The following PROM1 variants were observed in gnomAD, a reference collection of about 807,000 sequenced individuals.
PROM1 encodes prominin 1, also known as prominin-1.
A neutral mutation model predicts 116.9 loss-of-function variants in PROM1; 105 were observed. That is an observed-to-expected ratio of 0.90 (90% CI 0.77 to 1.06). The LOEUF (loss-of-function observed/expected upper bound fraction) is 1.06. Ranked by LOEUF, PROM1 falls within the 50% of genes least tolerant of loss-of-function variation. PROM1 has a pLI of 0.00. For synonymous variants in PROM1, 393 were observed against 387.0 expected (o/e 1.02, Z -0.18); for missense variants, 1,122 against 1,045.2 (o/e 1.07, Z -1.01).
chr4:16,041,708 A>G (rs1735267167), intron 2 of PROM1, among the ~76,000 whole-genome samples: 2 of 151,596 alleles, frequency 1.3e-5, no homozygotes, highest in African/African-American at 4.8e-5. Flanking sequence ...CAGTTATGCC[A>G]CTGCACTCCA....
At chr4:16,010,561 T>C (rs929121156) in intron 11 of PROM1, among the ~76,000 whole-genome samples, 3 of 152,232 alleles carry the variant, frequency 2.0e-5, no homozygotes, top group Non-Finnish European at 2.9e-5. Context: ...TGGAGTGCAG[T>C]GGCACGATCA....
At chr4:16,002,225 G>T (rs766122599) in intron 13 of PROM1, among the ~76,000 whole-genome samples, 5 of 152,106 alleles carry the variant, frequency 3.3e-5, no homozygotes, top group Non-Finnish European at 5.9e-5. Flanking sequence ...AAAAAAAACA[G>T]AAAGAGAAGG....
rs1311725998 is a variant in PROM1, at chr4:16,006,624, T to C, written c.1368A>G (p.Leu456=). The change falls in exon 13 of 28, where the codon TTA becomes TTG. Residue 456 remains leucine, a synonymous_variant. Transcript: ENST00000447510. ...TLIVIFYYLG[L]LCGVCGYDRH... is the part of the protein sequence containing the mutation. ...TGTCATAGCCGCACACGCCACACAGTAAGCCCAGGTAGTAAAAAATCACGA... is the reference window on the plus strand; with the variant it reads ...TGTCATAGCCGCACACGCCACACAGCAAGCCCAGGTAGTAAAAAATCACGA... 2 of 1,612,152 alleles carry C rather than the reference T, an allele frequency of 1.2e-6. No homozygotes were observed. Among genetic ancestry groups the C allele is most frequent in the East Asian group, 4.5e-5 (2 of 44,804 alleles).
intron 13 of PROM1, among the ~76,000 whole-genome samples, chr4:16,004,832 T>TTCTTTTTCTTCCTTC (rs1203366908): frequency 1.6e-5 from 2 of 122,504 alleles, no homozygotes; most frequent in East Asian, 4.9e-4. Context: ...TCTTTCTTTT[T>TTCTTTTTCTTCCTTC]CTTCCTTCCT....
chr4:16,058,816 A>G (rs140912629), intron 2 of PROM1, among the ~76,000 whole-genome samples: 3 of 152,350 alleles, frequency 2.0e-5, no homozygotes, highest in East Asian at 3.9e-4. Context: ...GCTTCCAAAA[A>G]TAGAAGAATT....
In PROM1 at chr4:16,004,390, TTC is replaced by T. The variant is rs1264141509; in HGVS notation, c.1454+2146_1454+2147del. ...TAGCCTCCATCAATTTGTTGATGATTTCTCTGTTTTATTTTTTCTTTCTTTGA... is the reference window on the plus strand; with the variant it reads ...TAGCCTCCATCAATTTGTTGATGATTTCTGTTTTATTTTTTCTTTCTTTGA... On this transcript the variant is annotated intron_variant, in intron 13 of 27. Transcript: ENST00000447510. 5.3e-5 allele frequency among the ~76,000 whole-genome samples: 8 copies of T among 152,314 alleles called. No homozygotes were observed. The East Asian group carries it at 5.8e-4, about 11-fold the overall frequency.
At chr4:16,052,857 G>C (rs913506030) in intron 2 of PROM1, among the ~76,000 whole-genome samples, 6 of 152,216 alleles carry the variant, frequency 3.9e-5, no homozygotes, top group African/African-American at 1.4e-4. Context: ...GAACAGGATA[G>C]TATATGGAAA....
At chr4:15,970,458 C>A (rs1438873821) in intron 27 of PROM1, among the ~76,000 whole-genome samples, 1 of 151,784 alleles carries the variant, frequency 6.6e-6, no homozygotes, top group Non-Finnish European at 1.5e-5. Context: ...CAGGCGTGAG[C>A]CACCGCACCA....
chr4:15,980,303 TA>T (rs58036643), intron 24 of PROM1, 118 bp downstream of exon 24: 271,094 of 604,072 alleles, frequency 0.45, 23,324 homozygotes, highest in Admixed American at 0.49. Context: ...CAACTACTAC[TA>T]AAAAAAAAAA....
Position 16,021,858 on chromosome 4 carries a change from G to T in PROM1, c.784+1468C>A, listed in dbSNP as rs1729982231. Among the ~76,000 whole-genome samples the T allele has an allele frequency of 2.0e-5, 3 of 152,172 alleles. No individual in the cohort carries two copies. The South Asian group carries it at 6.2e-4, about 32-fold the overall frequency. Reference sequence around the variant, plus strand: ...CCCAGCTACCCAATTGCTATGGACTGAAGTATGTCTCCCCCAGATTCGTAT... The same window carrying T: ...CCCAGCTACCCAATTGCTATGGACTTAAGTATGTCTCCCCCAGATTCGTAT... On this transcript the variant is annotated intron_variant, in intron 8 of 27. Coordinates refer to ENST00000447510, the MANE Select transcript of PROM1 (RefSeq NM_006017.3).
Position 16,013,348 on chromosome 4 carries a change from A to G in PROM1, c.1078-10T>C, listed in dbSNP as rs763903858. 6.3e-7 allele frequency: 1 copy of G among 1,588,928 alleles called. No individual in the cohort carries two copies. The highest frequency in any genetic ancestry group is 8.6e-7 in the Non-Finnish European group (1 of 1,157,112). ...TAAGGGATTGATAGCCCTGAAAAAT[A>G]TTTCAAAATAAAAGGATGTACACAG... On this transcript the variant is annotated splice_polypyrimidine_tract_variant and intron_variant, in intron 10 of 27. Transcript: ENST00000447510.
intron 3 of PROM1, among the ~76,000 whole-genome samples, chr4:16,037,314 T>C (rs1307173472): frequency 6.6e-6 from 1 of 152,160 alleles, no homozygotes; most frequent in African/African-American, 2.4e-5. Flanking sequence ...AAATGAAGCC[T>C]GTGGCACTGA....
chr4:16,018,191 G>A (rs1466998867), intron 9 of PROM1, 132 bp downstream of exon 9: 2 of 776,350 alleles, frequency 2.6e-6, no homozygotes, highest in South Asian at 1.7e-5. Context: ...GACTCAAGAA[G>A]GCTGATAGAG....
chr4:16,072,765 A>G (rs1420283359), intron 2 of PROM1, among the ~76,000 whole-genome samples: 1 of 152,248 alleles, frequency 6.6e-6, no homozygotes, highest in Non-Finnish European at 1.5e-5. Flanking sequence ...TAGGGACAAC[A>G]TCACTGTTGT....
At chr4:15,995,428 G>A (rs1157044842) in intron 15 of PROM1, among the ~76,000 whole-genome samples, 1 of 151,722 alleles carries the variant, frequency 6.6e-6, no homozygotes, top group African/African-American at 2.4e-5. Context: ...GGAGGAAGAG[G>A]AAGAAGAAGA....
intron 23 of PROM1, among the ~76,000 whole-genome samples, chr4:15,982,564 T>C (rs1284850845): frequency 6.6e-6 from 1 of 152,184 alleles, no homozygotes; most frequent in Non-Finnish European, 1.5e-5. Context: ...ATGTAAACCC[T>C]CTGCTACACA....
rs571946216 is a variant in PROM1 at position 15,971,141 on chromosome 4, T to G, written c.2583-59A>C. Reference sequence around the variant, plus strand: ...CCCAACAAAGCTGTGGGTGGTTTCATCACCTCTGTGCTAAGAAGCAGGCAT... The same window carrying G: ...CCCAACAAAGCTGTGGGTGGTTTCAGCACCTCTGTGCTAAGAAGCAGGCAT... On this transcript the variant is annotated intron_variant, in intron 26 of 27. Transcript: ENST00000447510. The G allele has an allele frequency of 1.5e-4, 215 of 1,431,122 alleles. 2 individuals are homozygous for G. The South Asian group carries it at 2.5e-3, about 16-fold the overall frequency. 88.7% of individuals were successfully genotyped at this position (1,431,122 alleles called of 1,614,324 possible).
At chr4:16,006,359 C>T (rs1284246551) in intron 13 of PROM1, among the ~76,000 whole-genome samples, 179 bp downstream of exon 13, 1 of 152,162 alleles carries the variant, frequency 6.6e-6, no homozygotes, top group African/African-American at 2.4e-5. Flanking sequence ...TTAGGCTTGA[C>T]AGAAGTACCC....
chr4:15,991,118 A>G (rs568106426), intron 18 of PROM1, 104 bp downstream of exon 18: 1 of 854,738 alleles, frequency 1.2e-6, no homozygotes, highest in East Asian at 2.8e-5. Context: ...TGAACAAGGG[A>G]TTACTCACAG....
Sources: allele counts gnomAD v4.1 joint callset (sites outside exome capture counted in the v4.1 genomes callset), GRCh38; gene constraint gnomAD v4.1.1; transcripts MANE v1.5; gene names NCBI Gene and HGNC (gene_info 2026-07-23, HGNC 2026-07-21).